Variants in AGBL4 observed in about 807,000 individuals in gnomAD.
AGBL4 encodes the protein cytosolic carboxypeptidase 6.
AGBL4 carries 58 observed loss-of-function variants against 66.4 expected under a neutral mutation model. The ratio of observed to expected loss-of-function variants is 0.87; its 90% confidence interval spans 0.71 to 1.09. The LOEUF is 1.09. Ranked by LOEUF, AGBL4 falls within the 50% of genes least tolerant of loss-of-function variation. The pLI is 0.00. For missense variants in AGBL4, 579 were observed against 631.0 expected (o/e 0.92, Z 0.88); for synonymous variants, 234 against 222.9 (o/e 1.05, Z -0.44).
intron 9 of AGBL4, among the ~76,000 whole-genome samples, chr1:48,633,022 A>G (rs1645616648): frequency 6.6e-6 from 1 of 152,216 alleles, no homozygotes; most frequent in Admixed American, 6.5e-5. Flanking sequence ...ATCTCTGCAT[A>G]TGGATTTGGT....
intron 12 of AGBL4, among the ~76,000 whole-genome samples, chr1:48,536,108 C>T (rs2246557): frequency 0.43 from 64,587 of 151,768 alleles, 16,215 homozygotes; most frequent in East Asian, 0.58. Context: ...AGCTCTGTCT[C>T]GGGCAGAGAA....
At chr1:48,738,415 T>C (rs1379659685) in intron 6 of AGBL4, among the ~76,000 whole-genome samples, 3 of 152,204 alleles carry the variant, frequency 2.0e-5, no homozygotes, top group Non-Finnish European at 4.4e-5. Flanking sequence ...ACTACCTGGC[T>C]GCTGGCTAGG....
At chr1:49,483,334 C>T (rs1933271) in intron 3 of AGBL4, among the ~76,000 whole-genome samples, 80,025 of 151,684 alleles carry the variant, frequency 0.53, 22,553 homozygotes, top group Non-Finnish European at 0.63. Flanking sequence ...AACAAGACAC[C>T]AAAAAATAGA....
At chr1:49,548,567 G>T (rs546568481) in intron 3 of AGBL4, among the ~76,000 whole-genome samples, 35 of 152,230 alleles carry the variant, frequency 2.3e-4, no homozygotes, top group African/African-American at 8.2e-4. Flanking sequence ...TGTTTATATG[G>T]TGTATCACAT....
At chr1:48,525,705 C>T in the AGBL4 span, among the ~76,000 whole-genome samples, 2 of 152,154 alleles carry the variant, frequency 1.3e-5, no homozygotes, top group Admixed American at 6.5e-5. Context: ...ATGTCTAATA[C>T]AGCCAGGCAG....
chr1:49,224,067 A>G (rs1649709610), intron 4 of AGBL4, among the ~76,000 whole-genome samples: 1 of 152,234 alleles, frequency 6.6e-6, no homozygotes, highest in South Asian at 2.1e-4. Flanking sequence ...ACTAAAGGAC[A>G]GTTGAGAGGA....
intron 2 of AGBL4, among the ~76,000 whole-genome samples, chr1:49,843,141 A>G (rs1382039908): frequency 6.6e-6 from 1 of 152,098 alleles, no homozygotes; most frequent in Non-Finnish European, 1.5e-5. Context: ...CTCCACATCA[A>G]TAACAGACGG....
intron 6 of AGBL4, among the ~76,000 whole-genome samples, chr1:48,837,332 T>C (rs1370984198): frequency 2.6e-5 from 4 of 151,874 alleles, no homozygotes; most frequent in Non-Finnish European, 1.5e-5. Flanking sequence ...GTCAACTTGA[T>C]TGGATTGAAG....
intron 1 of AGBL4, among the ~76,000 whole-genome samples, chr1:50,022,601 GTA>G (rs1454426799): frequency 2.8e-5 from 4 of 142,784 alleles, no homozygotes; most frequent in African/African-American, 1.1e-4. Context: ...GGTGTGGTGT[GTA>G]TGTACCATAA....
intron 9 of AGBL4, among the ~76,000 whole-genome samples, chr1:48,631,015 C>A (rs764204050): frequency 1.2e-4 from 19 of 152,158 alleles, no homozygotes; most frequent in Non-Finnish European, 2.4e-4. Flanking sequence ...CTGTCTCCAC[C>A]AGGCTGTGAA....
chr1:48,803,229 C>T (rs554741539), intron 6 of AGBL4, among the ~76,000 whole-genome samples: 100 of 152,346 alleles, frequency 6.6e-4, no homozygotes, highest in African/African-American at 2.2e-3. Context: ...GTCCATCTCA[C>T]ACCTTGGTTA....
chr1:48,608,568 T>C (rs1645187054), intron 9 of AGBL4, among the ~76,000 whole-genome samples: 1 of 151,622 alleles, frequency 6.6e-6, no homozygotes, highest in Non-Finnish European at 1.5e-5. Context: ...GATGGATGGA[T>C]GGATAGATGG....
At chr1:48,594,995 T>A (rs1644974208) in intron 9 of AGBL4, among the ~76,000 whole-genome samples, 1 of 152,136 alleles carries the variant, frequency 6.6e-6, no homozygotes, top group Non-Finnish European at 1.5e-5. Context: ...AGTCACCTGC[T>A]CCGCATCAGA....
chr1:49,756,587 T>G (rs1651903114), intron 2 of AGBL4, among the ~76,000 whole-genome samples: 1 of 152,182 alleles, frequency 6.6e-6, no homozygotes, highest in African/African-American at 2.4e-5. Flanking sequence ...CCATCTTGAA[T>G]TGTAGTTCCC....
At chr1:49,023,753 C>A (rs1334043970) in intron 5 of AGBL4, among the ~76,000 whole-genome samples, 1 of 152,232 alleles carries the variant, frequency 6.6e-6, no homozygotes, top group Non-Finnish European at 1.5e-5. Context: ...TTCATAGCCA[C>A]CAATATTATA....
At chr1:49,931,085 A>G (rs1653301314) in intron 1 of AGBL4, among the ~76,000 whole-genome samples, 1 of 152,226 alleles carries the variant, frequency 6.6e-6, no homozygotes, top group Non-Finnish European at 1.5e-5. Context: ...CAATGAACAA[A>G]AACCAAGTTT....
intron 3 of AGBL4, among the ~76,000 whole-genome samples, chr1:49,605,785 C>T (rs1219538157): frequency 6.6e-6 from 1 of 151,970 alleles, no homozygotes; most frequent in Non-Finnish European, 1.5e-5. Flanking sequence ...ATAAGAACCA[C>T]CTAGACAGCT....
chr1:49,011,578 A>G (rs1460824337), intron 5 of AGBL4, among the ~76,000 whole-genome samples: 1 of 152,142 alleles, frequency 6.6e-6, no homozygotes, highest in Non-Finnish European at 1.5e-5. Flanking sequence ...AGACACATGC[A>G]CACATATGTT....
At chr1:49,758,245 T>G (rs966805879) in intron 2 of AGBL4, among the ~76,000 whole-genome samples, 6 of 152,304 alleles carry the variant, frequency 3.9e-5, no homozygotes, top group Non-Finnish European at 7.4e-5. Context: ...TGGAAACACC[T>G]GGATGTCCAG....
Sources: gnomAD v4.1 joint callset for allele counts (sites outside exome capture counted in the v4.1 genomes callset) on GRCh38, gnomAD v4.1.1 for gene constraint, MANE v1.5 for transcripts, NCBI Gene and HGNC (gene_info 2026-07-23, HGNC 2026-07-21) for gene names.